Variants in CSMD1 observed in about 807,000 individuals in gnomAD.
CSMD1 encodes the protein CUB and sushi domain-containing protein 1.
Under a neutral mutation model 417.5 loss-of-function variants are expected in CSMD1, and 213 were observed. The observed-to-expected ratio is 0.51, with a 90% confidence interval of 0.46 to 0.57. The LOEUF (loss-of-function observed/expected upper bound fraction) is 0.57. CSMD1 is among the 20% of genes least tolerant of loss of function. The pLI is 0.00. For missense variants in CSMD1, 6,923 were observed against 4,529.7 expected (o/e 1.53, Z -15.17); for synonymous variants, 2,862 against 1,736.8 (o/e 1.65, Z -16.11).
At chr8:3,441,124 G>A (rs894535084) in intron 12 of CSMD1, among the ~76,000 whole-genome samples, 9 of 152,076 alleles carry the variant, frequency 5.9e-5, no homozygotes, top group Non-Finnish European at 8.8e-5. Context: ...GAGTTCCAGC[G>A]GTGCCACTGT....
chr8:4,305,924 C>G (rs770388159), intron 3 of CSMD1, among the ~76,000 whole-genome samples: 29 of 152,092 alleles, frequency 1.9e-4, no homozygotes, highest in Non-Finnish European at 3.7e-4. Context: ...CATTCTATAA[C>G]CTTTATTTAA....
intron 12 of CSMD1, among the ~76,000 whole-genome samples, chr8:3,448,101 G>C (rs1032993398): frequency 1.3e-5 from 2 of 151,422 alleles, no homozygotes; most frequent in African/African-American, 4.9e-5. Context: ...TAAGATAGAA[G>C]GGTAAGAGAA....
intron 10 of CSMD1, among the ~76,000 whole-genome samples, chr8:3,505,412 T>C (rs1429987813): frequency 3.9e-5 from 6 of 152,164 alleles, no homozygotes; most frequent in African/African-American, 1.4e-4. Flanking sequence ...GAAATAATTA[T>C]GGGCGCAGAA....
chr8:4,822,213 T>G (rs1444828678), intron 1 of CSMD1, among the ~76,000 whole-genome samples: 2 of 152,086 alleles, frequency 1.3e-5, no homozygotes, highest in Admixed American at 6.6e-5. Context: ...GTGTGATTCG[T>G]GGGGGTTTGC....
chr8:4,281,833 C>T (rs1357034412), intron 3 of CSMD1, among the ~76,000 whole-genome samples: 1 of 152,152 alleles, frequency 6.6e-6, no homozygotes, highest in Non-Finnish European at 1.5e-5. Flanking sequence ...TTTTCTAGAG[C>T]TGCCTCATAA....
At chr8:3,311,098 C>A (rs1805308615) in intron 23 of CSMD1, among the ~76,000 whole-genome samples, 1 of 152,010 alleles carries the variant, frequency 6.6e-6, no homozygotes, top group Non-Finnish European at 1.5e-5. Context: ...ATATACCTAA[C>A]TAACTTTCCA....
chr8:4,368,562 T>C (rs1563101256), intron 3 of CSMD1, among the ~76,000 whole-genome samples: 2 of 152,274 alleles, frequency 1.3e-5, no homozygotes, highest in South Asian at 4.1e-4. Context: ...AGCTCTTTTT[T>C]GTACATCTGG....
chr8:4,059,950 A>G (rs1365352873), intron 3 of CSMD1, among the ~76,000 whole-genome samples: 3 of 152,116 alleles, frequency 2.0e-5, no homozygotes. Context: ...TCATGAGGCC[A>G]GCATCATCCT....
At position 4,223,033 on chromosome 8, in the gene CSMD1, G is replaced by C. The variant is rs146059757; in HGVS notation, c.416-190934C>G. On this transcript the variant is annotated intron_variant, in intron 3 of 69. Transcript: ENST00000635120. ...CAAAAACATAATAATAAGAAGAACT[G>C]ACAACAGGCTTCCTACATTGGACAT... is the stretch of plus-strand genomic sequence containing the variant. Among the ~76,000 whole-genome samples, 262 of 152,074 alleles carry C rather than the reference G, an allele frequency of 1.7e-3. 1 individual carries two copies. The highest frequency in any genetic ancestry group is 6.1e-3 in the African/African-American group (253 of 41,488).
intron 2 of CSMD1, among the ~76,000 whole-genome samples, chr8:4,623,136 G>T (rs2130820031): frequency 6.6e-6 from 1 of 152,192 alleles, no homozygotes; most frequent in African/African-American, 2.4e-5. Context: ...AGAAAGCTCT[G>T]ATAACTCAAA....
At chr8:4,925,537 C>CTTTTTTTTTTTTTTTTTTT (rs113682113) in intron 1 of CSMD1, among the ~76,000 whole-genome samples, 1 of 145,910 alleles carries the variant, frequency 6.9e-6, no homozygotes. Flanking sequence ...CTGGCATTTT[C>CTTTTTTTTTTTTTTTTTTT]TTTTTTTTTT....
At chr8:3,232,377 T>C (rs1483761662) in intron 26 of CSMD1, among the ~76,000 whole-genome samples, 2 of 152,202 alleles carry the variant, frequency 1.3e-5, no homozygotes, top group African/African-American at 2.4e-5. Flanking sequence ...CCCTTGCTTG[T>C]ATTATGTTTT....
At chr8:3,728,161 G>T (rs113514583) in intron 6 of CSMD1, among the ~76,000 whole-genome samples, 1 of 152,154 alleles carries the variant, frequency 6.6e-6, no homozygotes, top group Non-Finnish European at 1.5e-5. Flanking sequence ...TGAATCATGG[G>T]TGCTGTTGCC....
At chr8:3,953,684 G>T (rs946820935) in intron 5 of CSMD1, among the ~76,000 whole-genome samples, 1 of 151,920 alleles carries the variant, frequency 6.6e-6, no homozygotes, top group Admixed American at 6.6e-5. Flanking sequence ...AGTGATGGCG[G>T]GGAGGGGTGA....
intron 23 of CSMD1, among the ~76,000 whole-genome samples, chr8:3,338,637 C>G (rs1807430259): frequency 6.6e-6 from 1 of 152,148 alleles, no homozygotes; most frequent in Non-Finnish European, 1.5e-5. Context: ...ACCAGCTATG[C>G]AGCTGATTCA....
At chr8:4,395,777 A>C (rs1316063366) in intron 3 of CSMD1, among the ~76,000 whole-genome samples, 1 of 152,162 alleles carries the variant, frequency 6.6e-6, no homozygotes, top group African/African-American at 2.4e-5. Context: ...TGCTAAGTGG[A>C]AGAAGAGAAT....
chr8:3,758,366 T>A (rs1353373505), intron 5 of CSMD1, among the ~76,000 whole-genome samples: 1 of 152,206 alleles, frequency 6.6e-6, no homozygotes, highest in Non-Finnish European at 1.5e-5. Flanking sequence ...TACCCCGAAG[T>A]CGATTTTTGT....
chr8:4,028,862 T>G (rs1386194969), intron 4 of CSMD1, among the ~76,000 whole-genome samples: 1 of 152,224 alleles, frequency 6.6e-6, no homozygotes, highest in African/African-American at 2.4e-5. Flanking sequence ...ACTCAAAAGA[T>G]AAATTTTTCT....
intron 7 of CSMD1, among the ~76,000 whole-genome samples, chr8:3,676,139 G>C (rs577539874): frequency 6.6e-6 from 1 of 152,292 alleles, no homozygotes; most frequent in South Asian, 2.1e-4. Context: ...ATTATACCTA[G>C]AATAGGTAAA....
Sources: gnomAD v4.1 joint callset for allele counts (sites outside exome capture counted in the v4.1 genomes callset) on GRCh38, gnomAD v4.1.1 for gene constraint, MANE v1.5 for transcripts, NCBI Gene and HGNC (gene_info 2026-07-23, HGNC 2026-07-21) for gene names.